The following DCAF8L2 variants were observed in gnomAD, a reference collection of about 807,000 sequenced individuals.
The protein encoded by DCAF8L2 is DDB1 and CUL4 associated factor 8 like 2, also known as DDB1- and CUL4-associated factor 8-like protein 2.
For missense variants in DCAF8L2, 430 were observed against 490.7 expected, an observed-to-expected ratio of 0.88 and a Z score of 1.17; for synonymous variants, 200 against 190.9, an observed-to-expected ratio of 1.05 and a Z score of -0.39.
the DCAF8L2 span, among the ~76,000 whole-genome samples, chrX:27,535,889 C>T: frequency 9.0e-6 from 1 of 111,454 alleles, no homozygotes; most frequent in East Asian, 2.8e-4. Flanking sequence ...AACACAGTTA[C>T]GTATTATTCA....
chrX:27,547,335 G>C, the DCAF8L2 span, among the ~76,000 whole-genome samples: 5 of 111,942 alleles, frequency 4.5e-5, no homozygotes, highest in Admixed American at 2.8e-4. Flanking sequence ...CCTCCAAACT[G>C]TTCCAACCTC....
At chrX:27,530,517 C>T in the DCAF8L2 span, among the ~76,000 whole-genome samples, 1 of 110,981 alleles carries the variant, frequency 9.0e-6, no homozygotes, top group Admixed American at 9.7e-5. Context: ...GGCTACTGCA[C>T]GTCATCTGGT....
At chrX:27,740,368 C>T (rs745882097) in intron 4 of DCAF8L2, among the ~76,000 whole-genome samples, 22 of 112,222 alleles carry the variant, frequency 2.0e-4, no homozygotes, top group Non-Finnish European at 4.1e-4. Context: ...CAGTTTAGTA[C>T]ATCTGCTCTC....
the DCAF8L2 span, among the ~76,000 whole-genome samples, chrX:27,549,226 A>AT: frequency 8.1e-5 from 9 of 110,832 alleles, no homozygotes; most frequent in African/African-American, 2.3e-4. Context: ...CACTCTTAAA[A>AT]TTTTTTTTTC....
intron 2 of DCAF8L2, among the ~76,000 whole-genome samples, chrX:27,645,416 C>A (rs1928901292): frequency 9.0e-6 from 1 of 111,127 alleles, no homozygotes; most frequent in Admixed American, 9.6e-5. Context: ...AAGGACCATA[C>A]CTCAAAATAA....
At chrX:27,684,163 T>C (rs1259801519) in intron 3 of DCAF8L2, among the ~76,000 whole-genome samples, 1 of 111,986 alleles carries the variant, frequency 8.9e-6, no homozygotes, top group Non-Finnish European at 1.9e-5. Context: ...CCATTATCTC[T>C]ACCCTCAAAG....
At chrX:27,613,633 C>G (rs1210998506) in intron 1 of DCAF8L2, among the ~76,000 whole-genome samples, 2 of 111,182 alleles carry the variant, frequency 1.8e-5, no homozygotes, top group African/African-American at 6.5e-5. Flanking sequence ...CCCATCAATA[C>G]CTAGTTTATT....
intron 2 of DCAF8L2, chrX:27,676,830 T>A (rs1327435312): frequency 9.0e-6 from 1 of 111,692 alleles, no homozygotes; most frequent in Admixed American, 9.6e-5. Flanking sequence ...CTAGAAGTAG[T>A]TTGCATCCCC....
intron 2 of DCAF8L2, chrX:27,632,879 A>T (rs1353853581): frequency 9.0e-6 from 1 of 111,731 alleles, no homozygotes; most frequent in Non-Finnish European, 1.9e-5. Context: ...ACCTTATCTT[A>T]GTAGAATGTC....
chrX:27,714,625 A>G (rs1263482787), intron 3 of DCAF8L2, among the ~76,000 whole-genome samples: 2 of 112,228 alleles, frequency 1.8e-5, no homozygotes, highest in African/African-American at 6.5e-5. Context: ...ATGGCAGCCA[A>G]CATTACATTA....
chrX:27,665,503 A>C (rs960708445), intron 2 of DCAF8L2, among the ~76,000 whole-genome samples: 2 of 112,124 alleles, frequency 1.8e-5, no homozygotes, highest in Non-Finnish European at 3.8e-5. Context: ...ACTTTAGAAT[A>C]TTACATAAAT....
At chrX:27,511,515 T>C in the DCAF8L2 span, among the ~76,000 whole-genome samples, 1 of 111,903 alleles carries the variant, frequency 8.9e-6, no homozygotes. Context: ...TCTAATAAAT[T>C]AGAAGAAAGT....
chrX:27,474,499 G>C, the DCAF8L2 span, among the ~76,000 whole-genome samples: 1 of 111,350 alleles, frequency 9.0e-6, no homozygotes, highest in African/African-American at 3.3e-5. Context: ...CTAGTAATGT[G>C]ACATGAACAA....
At chrX:27,603,849 AT>A (rs1461226845) in intron 1 of DCAF8L2, among the ~76,000 whole-genome samples, 1 of 111,727 alleles carries the variant, frequency 9.0e-6, no homozygotes, top group Non-Finnish European at 1.9e-5. Context: ...TTTGTAATGT[AT>A]TTTTATACTC....
the DCAF8L2 span, among the ~76,000 whole-genome samples, chrX:27,528,133 A>G: frequency 1.3e-4 from 12 of 90,515 alleles, no homozygotes; most frequent in South Asian, 5.9e-3. Flanking sequence ...AATTATAATT[A>G]AATTATTAAA....
the DCAF8L2 span, among the ~76,000 whole-genome samples, chrX:27,523,409 AGTGTGTGTGTGTGTGTGTGTGTGT>A: frequency 2.1e-5 from 2 of 96,521 alleles, no homozygotes; most frequent in Non-Finnish European, 4.2e-5. Context: ...CTGTCTACTG[AGTGTGTGTGTGTGTGTGTGTGTGT>A]GTGTGTGTGT....
the DCAF8L2 span, among the ~76,000 whole-genome samples, chrX:27,578,710 G>GA: frequency 9.1e-6 from 1 of 110,295 alleles, no homozygotes; most frequent in African/African-American, 3.3e-5. Context: ...AAATTGACAA[G>GA]AAAAAAACAA....
chrX:27,538,254 C>T, the DCAF8L2 span, among the ~76,000 whole-genome samples: 1 of 111,676 alleles, frequency 9.0e-6, no homozygotes, highest in Admixed American at 9.5e-5. Flanking sequence ...ACCTGTATAC[C>T]ACAGTGGAGT....
In DCAF8L2 at chrX:27,748,890, T is replaced by C. The variant is rs1302369918; in HGVS notation, c.*99T>C. ...ATTGTCAATAGATTAATAGATTTGC[T>C]TTTTGTCTTCTATTTTCCATAATAT... is the stretch of plus-strand genomic sequence containing the variant. On this transcript the variant is annotated 3_prime_UTR_variant, in exon 5 of 5. Transcript: ENST00000451261. 1.0e-6 allele frequency: 1 copy of C among 981,913 alleles called. No homozygotes were observed. The highest frequency in any genetic ancestry group is 1.9e-5 in the African/African-American group (1 of 51,659). 80.9% of individuals were successfully genotyped at this position (981,913 alleles called of 1,213,427 possible).
Sources: gnomAD v4.1 joint callset for allele counts (sites outside exome capture counted in the v4.1 genomes callset) on GRCh38, gnomAD v4.1.1 for gene constraint, MANE v1.5 for transcripts, NCBI Gene and HGNC (gene_info 2026-07-23, HGNC 2026-07-21) for gene names.